The following NLRX1 variants were observed in gnomAD, a reference collection of about 807,000 sequenced individuals.
NLRX1 encodes NOD-like receptor X1.
NLRX1 carries 67 observed loss-of-function variants against 74.2 expected under a neutral mutation model. The ratio of observed to expected loss-of-function variants is 0.90; its 90% confidence interval spans 0.74 to 1.11. The LOEUF (loss-of-function observed/expected upper bound fraction) is 1.11. Among genes scored for constraint, NLRX1 ranks in the 50% least tolerant of loss-of-function variants. NLRX1 has a pLI of 0.00. For missense variants in NLRX1, 1,191 were observed against 1,305.4 expected (o/e 0.91, Z 1.35); for synonymous variants, 506 against 559.1 (o/e 0.91, Z 1.34).
At chr11:119,178,256 G>T (rs147588854) in intron 6 of NLRX1, among the ~76,000 whole-genome samples, 1 of 152,222 alleles carries the variant, frequency 6.6e-6, no homozygotes, top group African/African-American at 2.4e-5. Context: ...TTTGTTGCCA[G>T]AGGAATGACC....
chr11:119,183,524 T>C lies in NLRX1; in HGVS notation c.*85T>C. ...GCCTCCTGGCTTGCACTGCTCCCTC[T>C]AGAAAGATTCCTTCAGGTCTGGAGG... On this transcript the variant is annotated 3_prime_UTR_variant, in exon 10 of 10. Coordinates refer to ENST00000409109, the MANE Select transcript of NLRX1 (RefSeq NM_001282144.2). The surrounding 1 kb of genome is among the most constrained non-coding windows in gnomAD (Gnocchi z 5.7). 2 of 1,307,852 alleles carry C rather than the reference T, an allele frequency of 1.5e-6. No homozygotes were observed. Among genetic ancestry groups the C allele is most frequent in the Non-Finnish European group, 2.1e-6 (2 of 942,850 alleles). 81.0% of individuals were successfully genotyped at this position (1,307,852 alleles called of 1,614,324 possible).
chr11:119,183,733 G>T lies in NLRX1; in HGVS notation c.*294G>T. Reference sequence around the variant, plus strand: ...ATTTGGATGGCCAGAGTGCCCTGAAGCACCACTACCAACCTTGCCTCCCCC... The same window carrying T: ...ATTTGGATGGCCAGAGTGCCCTGAATCACCACTACCAACCTTGCCTCCCCC... On this transcript the variant is annotated 3_prime_UTR_variant, in exon 10 of 10. Coordinates refer to ENST00000409109, the MANE Select transcript of NLRX1 (RefSeq NM_001282144.2). The surrounding 1 kb of genome is among the most constrained non-coding windows in gnomAD (Gnocchi z 5.7). The T allele has an allele frequency of 1.3e-6, 1 of 776,438 alleles. No homozygotes were observed. The allele number at this position is 776,438 out of a possible 1,614,324, so 48.1% of individuals were successfully genotyped here. A position where few individuals can be genotyped will look rare whatever the true frequency, so the allele number is the denominator to read the frequency against.
rs1296608136 is a variant in NLRX1 at position 119,181,583 on chromosome 11, C to T, written c.2354+326C>T. On this transcript the variant is annotated intron_variant, in intron 8 of 9. Coordinates refer to ENST00000409109, the MANE Select transcript of NLRX1 (RefSeq NM_001282144.2). ...CTCCCAGGATTTTTCTTGCAGCCTC[C>T]CGAGGAGGACCCTAATGCTGGGCAC... 3.3e-5 allele frequency among the ~76,000 whole-genome samples: 5 copies of T among 152,124 alleles called. No individual in the cohort carries two copies. The East Asian group carries it at 9.6e-4, about 29-fold the overall frequency.
chr11:119,174,011 A>G lies in NLRX1; in HGVS notation c.762A>G (p.Ala254=). The stretch of plus-strand genomic sequence containing the variant: ...ATCTCAACCTCGACTTCCGGCTGGC[A>G]GGCACGGGACTTTGTAGTGACCCGG... The part of the protein sequence containing the change: ...LEHLNLDFRL[A]GTGLCSDPEE... The change falls in exon 5 of 10, where the codon GCA becomes GCG. Residue 254 remains alanine, a synonymous_variant. Transcript: ENST00000409109. 10 of 1,614,166 alleles carry G rather than the reference A, an allele frequency of 6.2e-6. No homozygotes were observed. The highest frequency in any genetic ancestry group is 1.6e-4 in the Middle Eastern group (1 of 6,062).
intron 6 of NLRX1, among the ~76,000 whole-genome samples, chr11:119,179,160 T>C (rs1358286783): frequency 6.6e-6 from 1 of 152,176 alleles, no homozygotes; most frequent in African/African-American, 2.4e-5. Context: ...TGGTGATGTA[T>C]TTGTGATACC....
chr11:119,178,640 G>A (rs1948754667), intron 6 of NLRX1, among the ~76,000 whole-genome samples: 2 of 151,954 alleles, frequency 1.3e-5, no homozygotes, highest in South Asian at 2.1e-4. Flanking sequence ...TGTAGCATTA[G>A]CCAAAGGAAG....
At chr11:119,182,472 C>A in intron 9 of NLRX1, 127 bp downstream of exon 9, 1 of 1,349,228 alleles carries the variant, frequency 7.4e-7, no homozygotes, top group Non-Finnish European at 1.0e-6. Context: ...TTCCTGGTTT[C>A]TGACTGATCC....
Position 119,183,035 on chromosome 11 carries a change from C to A in NLRX1, c.2607-83C>A. On this transcript the variant is annotated intron_variant, in intron 9 of 9. Coordinates refer to ENST00000409109, the MANE Select transcript of NLRX1 (RefSeq NM_001282144.2). This position sits in a 1 kb window ranked among gnomAD's most constrained non-coding sequence, Gnocchi z 5.7. ...TGCAGCCAGGAGATGAGTTGTGAGG[C>A]CCCCTGACTTTCCATCCATCTACCC... 2 of 1,256,850 alleles carry A rather than the reference C, an allele frequency of 1.6e-6. No homozygotes were observed. The highest frequency in any genetic ancestry group is 3.8e-4 in the Middle Eastern group (2 of 5,216). The allele number at this position is 1,256,850 out of a possible 1,614,324, so 77.9% of individuals were successfully genotyped here. A position where few individuals can be genotyped will look rare whatever the true frequency, so the allele number is the denominator to read the frequency against.
At chr11:119,179,520 A>T (rs532477334) in intron 6 of NLRX1, among the ~76,000 whole-genome samples, 173 bp from the exon 7 acceptor site, 49 of 152,322 alleles carry the variant, frequency 3.2e-4, no homozygotes, top group African/African-American at 1.2e-3. Context: ...CATAGGCAGT[A>T]GGGAGCCATG....
chr11:119,172,255 TAC>T, intron 2 of NLRX1, 99 bp from the exon 3 acceptor site: 4 of 880,634 alleles, frequency 4.5e-6, no homozygotes, highest in Non-Finnish European at 7.8e-6. Flanking sequence ...AAAGGGGCAG[TAC>T]ATGCTGCTAT....
At chr11:119,172,820 G>A (rs1948587118) in intron 3 of NLRX1, 81 bp from the exon 4 acceptor site, 3 of 1,005,586 alleles carry the variant, frequency 3.0e-6, no homozygotes, top group Non-Finnish European at 4.8e-6. Flanking sequence ...GTCTAGCAGT[G>A]CAGATAGGCT....
At chr11:119,180,379 A>G in intron 7 of NLRX1, 91 bp downstream of exon 7, 1 of 1,053,060 alleles carries the variant, frequency 9.5e-7, no homozygotes, top group Non-Finnish European at 1.3e-6. Context: ...AACCAGAGGT[A>G]CCGATGAGTG....
Position 119,180,214 on chromosome 11 carries a change from C to A in NLRX1, c.2193C>A (p.Asn731Lys). The A allele has an allele frequency of 6.2e-7, 1 of 1,611,470 alleles. No homozygotes were observed. Among genetic ancestry groups the A allele is most frequent in the Non-Finnish European group, 8.5e-7 (1 of 1,178,252 alleles). The change falls in exon 7 of 10, where the codon AAC becomes AAA. Residue 731 changes from asparagine to lysine, a missense_variant. Physicochemically the swap from Asn to Lys is moderately conservative, Grantham distance 94. Transcript: ENST00000409109. ...GSGRHALDEV[N>K]LASCQLDPAG... The stretch of plus-strand genomic sequence containing the variant: ...GAAGGCATGCCCTGGATGAGGTGAA[C>A]TTGGCCTCCTGCCAGCTAGATCCTG...
At position 119,174,740 on chromosome 11, in the gene NLRX1, C is replaced by A. The variant is rs771156892; in HGVS notation, c.1137C>A (p.Ala379=). ...CGTCCTATTGCTGGCTCGTTTGTGC[C>A]ACCTTGCACTTCCTGCATGCCCCCA... The part of the protein sequence containing the change: ...FLPSYCWLVC[A]TLHFLHAPTP... The change falls in exon 6 of 10, where the codon GCC becomes GCA. Residue 379 remains alanine, a synonymous_variant. Transcript: ENST00000409109. The A allele has an allele frequency of 7.4e-6, 12 of 1,613,742 alleles. No individual in the cohort carries two copies.
intron 8 of NLRX1, 21 bp downstream of exon 8, chr11:119,181,278 G>T (rs1272226644): frequency 6.3e-7 from 1 of 1,589,794 alleles, no homozygotes; most frequent in African/African-American, 1.3e-5. Flanking sequence ...TGGGAGTGGG[G>T]CATCCTGGTG....
rs1164743070 is a variant in NLRX1, at chr11:119,169,238, A to G, written c.-113A>G. 1 of 152,620 alleles carries G rather than the reference A, an allele frequency of 6.6e-6. No individual in the cohort carries two copies. The highest frequency in any genetic ancestry group is 2.4e-5 in the African/African-American group (1 of 41,458). The allele number at this position is 152,620 out of a possible 1,614,324, so 9.5% of individuals were successfully genotyped here. ...CCCTGCGTTCCCGAGGCCACCCGAA[A>G]GTAGGAGAGCTGTTTGGGACCCAGT... On this transcript the variant is annotated 5_prime_UTR_variant, in exon 1 of 10. Transcript: ENST00000409109.
intron 6 of NLRX1, among the ~76,000 whole-genome samples, chr11:119,178,871 G>C (rs1324545003): frequency 6.6e-6 from 1 of 152,064 alleles, no homozygotes; most frequent in Non-Finnish European, 1.5e-5. Flanking sequence ...TTTTAATAGA[G>C]ATGGCATCTT....
intron 6 of NLRX1, among the ~76,000 whole-genome samples, chr11:119,177,249 T>C (rs897268197): frequency 2.0e-5 from 3 of 151,712 alleles, no homozygotes; most frequent in African/African-American, 7.3e-5. Flanking sequence ...GCCCGGCTTA[T>C]TTTTGTATTT....
Position 119,183,832 on chromosome 11 carries a change from T to A in NLRX1, c.*393T>A. ...GTCTGCCATGCCAGGGGTGTCGCCATCCAGATGTGTTGGAAGCTTCCCCTC... is the reference window on the plus strand; with the variant it reads ...GTCTGCCATGCCAGGGGTGTCGCCAACCAGATGTGTTGGAAGCTTCCCCTC... On this transcript the variant is annotated 3_prime_UTR_variant, in exon 10 of 10. Transcript: ENST00000409109. This position sits in a 1 kb window ranked among gnomAD's most constrained non-coding sequence, Gnocchi z 5.7. 1 of 780,882 alleles carries A rather than the reference T, an allele frequency of 1.3e-6. No individual in the cohort carries two copies. 48.4% of individuals were successfully genotyped at this position (780,882 alleles called of 1,614,324 possible).
Sources: gnomAD v4.1 joint callset for allele counts (sites outside exome capture counted in the v4.1 genomes callset) on GRCh38, gnomAD v4.1.1 for gene constraint, Gnocchi (gnomAD v3.1) non-coding constraint, MANE v1.5 for transcripts, NCBI Gene and HGNC (gene_info 2026-07-23, HGNC 2026-07-21) for gene names.